The following GUCY1B1 variants were observed in gnomAD, a reference collection of about 807,000 sequenced individuals.
The protein encoded by GUCY1B1 is guanylate cyclase 1 soluble subunit beta 1.
GUCY1B1 carries 43 observed loss-of-function variants against 71.0 expected under a neutral mutation model. The ratio of observed to expected loss-of-function variants is 0.61; its 90% CI spans 0.47 to 0.78. GUCY1B1 has a LOEUF of 0.78. Ranked by LOEUF, GUCY1B1 falls within the 30% of genes least tolerant of loss-of-function variation. GUCY1B1 has a pLI of 0.00. For missense variants in GUCY1B1, 535 were observed against 754.1 expected (o/e 0.71, Z 3.40); for synonymous variants, 266 against 259.7 (o/e 1.02, Z -0.23).
chr4:155,780,742 A>AT (rs3839145), intron 4 of GUCY1B1, among the ~76,000 whole-genome samples: 85,452 of 151,868 alleles, frequency 0.56, 24,706 homozygotes, highest in Middle Eastern at 0.76. Context: ...AGATCCTGTA[A>AT]TTTTTTTTAC....
intron 2 of GUCY1B1, among the ~76,000 whole-genome samples, chr4:155,772,918 A>C (rs2111016003): frequency 6.6e-6 from 1 of 152,352 alleles, no homozygotes; most frequent in Admixed American, 6.5e-5. Flanking sequence ...CTGCATACTA[A>C]GGTATGGATG....
At chr4:155,784,658 C>T (rs1022732546) in intron 4 of GUCY1B1, among the ~76,000 whole-genome samples, 2 of 152,224 alleles carry the variant, frequency 1.3e-5, no homozygotes, top group South Asian at 4.1e-4. Flanking sequence ...ATATTCTCAA[C>T]ACAGACAACT....
At chr4:155,796,212 T>G (rs1459904345) in intron 7 of GUCY1B1, among the ~76,000 whole-genome samples, 165 bp from the exon 8 acceptor site, 1 of 152,230 alleles carries the variant, frequency 6.6e-6, no homozygotes, top group Non-Finnish European at 1.5e-5. Context: ...AGGCAGCCAC[T>G]AGGCTTATTA....
intron 5 of GUCY1B1, among the ~76,000 whole-genome samples, chr4:155,792,539 A>G (rs537928911): frequency 2.0e-5 from 3 of 152,148 alleles, no homozygotes; most frequent in East Asian, 1.9e-4. Context: ...GTAACATCCC[A>G]GTTTTGCTAC....
intron 7 of GUCY1B1, among the ~76,000 whole-genome samples, chr4:155,795,808 C>T (rs2111140420): frequency 6.6e-6 from 1 of 152,006 alleles, no homozygotes; most frequent in South Asian, 2.1e-4. Flanking sequence ...CTCAAAACCA[C>T]TTATTTATTC....
intron 5 of GUCY1B1, among the ~76,000 whole-genome samples, chr4:155,791,885 A>G (rs1018881660): frequency 1.3e-5 from 2 of 152,170 alleles, no homozygotes; most frequent in African/African-American, 4.8e-5. Flanking sequence ...GTTCGTAGAA[A>G]CTTCAGAAAG....
At chr4:155,784,440 C>A (rs1436399366) in intron 4 of GUCY1B1, among the ~76,000 whole-genome samples, 3 of 152,008 alleles carry the variant, frequency 2.0e-5, no homozygotes, top group African/African-American at 7.2e-5. Context: ...TCTTCAAATT[C>A]CAAAATGACT....
At position 155,787,835 on chromosome 4, in the gene GUCY1B1, A is replaced by G. The variant is rs74364571; in HGVS notation, c.298-1879A>G. On this transcript the variant is annotated intron_variant, in intron 4 of 13. Transcript: ENST00000264424. ...ATTCTCACCGTAGTTTCCTCCCAGT[A>G]ATCTCACTGGATTTTTCTGTTTTTC... Among the ~76,000 whole-genome samples the G allele has an allele frequency of 6.8e-3, 1,031 of 152,312 alleles. 18 individuals are homozygous for G. Among genetic ancestry groups the G allele is most frequent in the Middle Eastern group, 0.062 (18 of 292 alleles).
rs1456849257 is a variant in GUCY1B1 at position 155,806,747 on chromosome 4, A to C, written c.*338A>C. ...AATATTTGTTGAATTTAGTTAAATG[A>C]AACTGAACAGTGTTTGGCCATGTGT... is the stretch of plus-strand genomic sequence containing the variant. On this transcript the variant is annotated 3_prime_UTR_variant, in exon 14 of 14. Transcript: ENST00000264424. 3.8e-6 allele frequency: 1 copy of C among 266,516 alleles called. No individual in the cohort carries two copies. Among genetic ancestry groups the C allele is most frequent in the Non-Finnish European group, 7.1e-6 (1 of 141,270 alleles). The allele number at this position is 266,516 out of a possible 1,614,324, so 16.5% of individuals were successfully genotyped here.
At chr4:155,761,018 C>T (rs1001446537) in intron 2 of GUCY1B1, among the ~76,000 whole-genome samples, 4 of 152,160 alleles carry the variant, frequency 2.6e-5, no homozygotes, top group Non-Finnish European at 4.4e-5. Context: ...ATATATTAAG[C>T]ACGAAAATGT....
At chr4:155,773,993 C>T (rs1482341791) in intron 2 of GUCY1B1, among the ~76,000 whole-genome samples, 1 of 152,160 alleles carries the variant, frequency 6.6e-6, no homozygotes, top group Non-Finnish European at 1.5e-5. Flanking sequence ...AGCCCACCAA[C>T]ACTTCTTACC....
At chr4:155,764,152 G>A (rs990942526) in intron 2 of GUCY1B1, among the ~76,000 whole-genome samples, 7 of 152,098 alleles carry the variant, frequency 4.6e-5, no homozygotes, top group African/African-American at 9.7e-5. Context: ...ATGTTTTGCC[G>A]TGTTTATTCA....
In GUCY1B1 at chr4:155,763,296, T is replaced by G. The variant is rs1737121120; in HGVS notation, c.77+3436T>G. 2.6e-5 allele frequency among the ~76,000 whole-genome samples: 4 copies of G among 152,278 alleles called. No homozygotes were observed. In the East Asian group the frequency reaches 7.7e-4, roughly 29 times the overall value. On this transcript the variant is annotated intron_variant, in intron 2 of 13. Coordinates refer to ENST00000264424, the MANE Select transcript of GUCY1B1 (RefSeq NM_000857.5). ...CCTGTCATCAAGTGATCCTCTTGAC[T>G]CGGCCTCCCAAAGTATTGGATTATA...
chr4:155,779,746 A>G (rs1167543924), intron 4 of GUCY1B1, among the ~76,000 whole-genome samples: 4 of 152,230 alleles, frequency 2.6e-5, no homozygotes, highest in Non-Finnish European at 5.9e-5. Flanking sequence ...CTGTGTGACT[A>G]TAAAACAAAA....
At position 155,794,001 on chromosome 4, in the gene GUCY1B1, G is replaced by T. The variant is rs1739365451; in HGVS notation, c.641G>T (p.Cys214Phe). 6.2e-7 allele frequency: 1 copy of T among 1,612,980 alleles called. No individual in the cohort carries two copies. The highest frequency in any genetic ancestry group is 1.6e-4 in the Middle Eastern group (1 of 6,062). The change falls in exon 6 of 14, where the codon TGC becomes TTC. Residue 214 changes from cysteine to phenylalanine, a missense_variant. Physicochemically the swap from Cys to Phe is radical, Grantham distance 205. Transcript: ENST00000264424. The part of the protein sequence containing the change: ...QESRISPYTF[C>F]KAFPFHIIFD... ...TCACGCATCAGCCCATATACATTCTGCAAAGCTTTTCCTTTTCATATAATA... is the reference window on the plus strand; with the variant it reads ...TCACGCATCAGCCCATATACATTCTTCAAAGCTTTTCCTTTTCATATAATA...
intron 13 of GUCY1B1, 129 bp from the exon 14 acceptor site, chr4:155,806,257 G>A: frequency 1.8e-6 from 1 of 571,408 alleles, no homozygotes; most frequent in Non-Finnish European, 3.1e-6. Context: ...AATTATGGTG[G>A]GAATGATTTA....
chr4:155,760,331 T>A (rs1214011717), intron 2 of GUCY1B1, among the ~76,000 whole-genome samples: 1 of 152,304 alleles, frequency 6.6e-6, no homozygotes, highest in African/African-American at 2.4e-5. Context: ...CGCGGGAGAT[T>A]ATTTCTTGAG....
chr4:155,774,142 C>T (rs1737876264), intron 2 of GUCY1B1, among the ~76,000 whole-genome samples: 1 of 152,082 alleles, frequency 6.6e-6, no homozygotes, highest in Non-Finnish European at 1.5e-5. Context: ...GTGCTCAAGC[C>T]CTTCACCTCT....
Position 155,804,459 on chromosome 4 carries a change from C to G in GUCY1B1, c.1555-134C>G, listed in dbSNP as rs1438834358. 7 of 659,870 alleles carry G rather than the reference C, an allele frequency of 1.1e-5. No homozygotes were observed. The East Asian group carries it at 1.8e-4, about 17-fold the overall frequency. The allele number at this position is 659,870 out of a possible 1,614,324, so 40.9% of individuals were successfully genotyped here. A position where few individuals can be genotyped will look rare whatever the true frequency, so the allele number is the denominator to read the frequency against. On this transcript the variant is annotated intron_variant, in intron 11 of 13. Transcript: ENST00000264424. The stretch of plus-strand genomic sequence containing the variant: ...ATGGGTTGATAGGTGCAGCAAACCA[C>G]CATGGCACATATATACCTATGTAAC...
Sources: gnomAD v4.1 joint callset for allele counts (sites outside exome capture counted in the v4.1 genomes callset) on GRCh38, gnomAD v4.1.1 for gene constraint, MANE v1.5 for transcripts, NCBI Gene and HGNC (gene_info 2026-07-23, HGNC 2026-07-21) for gene names.